CPO: variants seen among roughly 807,000 people sequenced by gnomAD.
CPO encodes the protein carboxypeptidase O.
A neutral mutation model predicts 41.2 loss-of-function variants in CPO; 43 were observed. The ratio of observed to expected loss-of-function variants is 1.04; its 90% CI spans 0.82 to 1.35. The LOEUF (loss-of-function observed/expected upper bound fraction) is 1.35. CPO is among the 40% of genes most tolerant of loss of function. CPO has a pLI of 0.00. For missense variants in CPO, 408 were observed against 451.7 expected (o/e 0.90, Z 0.88); for synonymous variants, 178 against 162.7 (o/e 1.09, Z -0.72).
chr2:206,944,236 T>C (rs772090226), intron 1 of CPO, among the ~76,000 whole-genome samples: 7 of 152,010 alleles, frequency 4.6e-5, no homozygotes, highest in Non-Finnish European at 7.4e-5. Flanking sequence ...AATATACATA[T>C]TTGCTGATTA....
intron 6 of CPO, among the ~76,000 whole-genome samples, chr2:206,961,293 C>G (rs1574354951): frequency 6.6e-6 from 1 of 152,292 alleles, no homozygotes; most frequent in Non-Finnish European, 1.5e-5. Flanking sequence ...AGGGGGCAGG[C>G]AGTAAACAAA....
At chr2:206,947,939 G>A (rs1055841185) in intron 1 of CPO, among the ~76,000 whole-genome samples, 1 of 152,204 alleles carries the variant, frequency 6.6e-6, no homozygotes, top group Non-Finnish European at 1.5e-5. Context: ...ATGCTGACAA[G>A]GATGTGGAGC....
At chr2:206,959,096 G>C (rs367722767) in intron 4 of CPO, among the ~76,000 whole-genome samples, 3 of 152,258 alleles carry the variant, frequency 2.0e-5, no homozygotes, top group African/African-American at 7.2e-5. Context: ...TCATGGGTCT[G>C]TAGTGTGGAT....
At chr2:206,943,702 AGATAG>A (rs1482763957) in intron 1 of CPO, among the ~76,000 whole-genome samples, 1,836 of 141,708 alleles carry the variant, frequency 0.013, 21 homozygotes, top group South Asian at 0.016. Flanking sequence ...ATAGATAGAT[AGATAG>A]ATAGATAGAT....
intron 2 of CPO, among the ~76,000 whole-genome samples, chr2:206,953,839 T>G (rs1412780259): frequency 6.6e-6 from 1 of 152,208 alleles, no homozygotes; most frequent in Non-Finnish European, 1.5e-5. Flanking sequence ...TCATCTGAAA[T>G]CTAGGTGGAG....
rs370417030 is a variant in CPO, at chr2:206,939,624, T to C, written c.25T>C (p.Tyr9His). The change falls in exon 1 of 9, where the codon TAT becomes CAT. Residue 9 changes from tyrosine (Y) to histidine (H), a missense_variant. By Grantham distance (83) the Tyr-to-His change is moderately conservative (BLOSUM62 2). Transcript: ENST00000272852. ...AATGAAGCCTCTGCTTGAAACCCTT[T>C]ATCTTTTGGGGATGCTGGTTCCTGG... MKPLLETL[Y>H]LLGMLVPGGL... 2.2e-5 allele frequency: 36 copies of C among 1,611,280 alleles called. No individual in the cohort carries two copies. Among genetic ancestry groups the C allele is most frequent in the Non-Finnish European group, 3.1e-5 (36 of 1,177,948 alleles).
intron 1 of CPO, 135 bp from the exon 2 acceptor site, chr2:206,949,482 C>T: frequency 1.6e-6 from 1 of 612,992 alleles, no homozygotes; most frequent in South Asian, 2.1e-5. Flanking sequence ...AGTCACAGAG[C>T]CAAAGACTCC....
At chr2:206,953,078 T>C (rs1317261429) in intron 2 of CPO, among the ~76,000 whole-genome samples, 1 of 152,152 alleles carries the variant, frequency 6.6e-6, no homozygotes, top group Non-Finnish European at 1.5e-5. Flanking sequence ...CTATAGAAAC[T>C]ACAATTCATG....
chr2:206,969,403 G>A lies in CPO; in HGVS notation c.1092G>A (p.Leu364=). 6.2e-7 allele frequency: 1 copy of A among 1,614,058 alleles called. No homozygotes were observed. The highest frequency in any genetic ancestry group is 8.5e-7 in the Non-Finnish European group (1 of 1,179,972). Residue 364 remains leucine (L), a synonymous_variant, in exon 9 of 9, where the codon CTG becomes CTA. Transcript: ENST00000272852. ...AGRVTSATML[L]GLLVSCMSLL ...GGGTGACATCTGCCACTATGCTGCT[G>A]GGCCTGCTGGTGTCCTGCATGTCTC...
chr2:206,966,231 C>T (rs938231761), intron 7 of CPO, among the ~76,000 whole-genome samples: 13 of 135,516 alleles, frequency 9.6e-5, no homozygotes, highest in African/African-American at 3.3e-4. Flanking sequence ...CTAGGGCAAG[C>T]TGCAGGAAAG....
chr2:206,942,473 T>C (rs1309407212), intron 1 of CPO, among the ~76,000 whole-genome samples: 1 of 152,172 alleles, frequency 6.6e-6, no homozygotes, highest in Non-Finnish European at 1.5e-5. Flanking sequence ...GAAATATTCA[T>C]GTAACTATTT....
chr2:206,968,330 C>A lies in CPO; in HGVS notation c.845C>A (p.Ser282Ter), dbSNP rs771123911. The A allele has an allele frequency of 6.9e-6, 11 of 1,605,142 alleles. No homozygotes were observed. The highest frequency in any genetic ancestry group is 9.4e-6 in the Non-Finnish European group (11 of 1,172,150). The change falls in exon 8 of 9, where the codon TCG becomes TAG. Residue 282 changes from serine to a stop codon, truncating the protein, a stop_gained. Transcript: ENST00000272852. LOFTEE classifies it low-confidence loss of function (END_TRUNC). ...AKYGTNYRVG[S>*]SADILYASSG... ...TATGGAACCAATTATAGAGTTGGAT[C>A]GAGTGCAGATATTTTATGTAAGTAT...
chr2:206,957,426 C>T (rs1693390873), intron 3 of CPO, among the ~76,000 whole-genome samples: 1 of 151,380 alleles, frequency 6.6e-6, no homozygotes, highest in Non-Finnish European at 1.5e-5. Context: ...TAGGAATTGT[C>T]CTGACAATTT....
At chr2:206,955,050 C>T (rs969215463) in intron 2 of CPO, among the ~76,000 whole-genome samples, 5 of 152,114 alleles carry the variant, frequency 3.3e-5, no homozygotes, top group Non-Finnish European at 5.9e-5. Context: ...ACATGGACAT[C>T]AGCAAAAGAT....
At chr2:206,943,698 AG>A (rs1559068278) in intron 1 of CPO, among the ~76,000 whole-genome samples, 11 of 127,356 alleles carry the variant, frequency 8.6e-5, no homozygotes, top group Non-Finnish European at 1.2e-4. Context: ...ATAGATAGAT[AG>A]ATAGATAGAT....
chr2:206,961,182 A>G (rs1377435834), intron 6 of CPO, among the ~76,000 whole-genome samples: 1 of 152,224 alleles, frequency 6.6e-6, no homozygotes, highest in Non-Finnish European at 1.5e-5. Flanking sequence ...GACCTAGACC[A>G]GTGTGAATAT....
intron 6 of CPO, among the ~76,000 whole-genome samples, chr2:206,961,252 A>T (rs1693473791): frequency 6.6e-6 from 1 of 152,196 alleles, no homozygotes; most frequent in Non-Finnish European, 1.5e-5. Context: ...AAGAAAAATC[A>T]GAGACTTATC....
In CPO at chr2:206,959,666, C is replaced by T; in HGVS notation, c.408C>T (p.Arg136=). 2 of 1,561,292 alleles carry T rather than the reference C, an allele frequency of 1.3e-6. No homozygotes were observed. Among genetic ancestry groups the T allele is most frequent in the Non-Finnish European group, 1.8e-6 (2 of 1,131,942 alleles). ...ACCATAAAGACAACTCAAGTATACG[C>T]AAGCTCCTTAGGAACCTGGACTTCT... ...LQNHKDNSSI[R]KLLRNLDFYV... Residue 136 remains arginine (R), a synonymous_variant, in exon 5 of 9, where the codon CGC becomes CGT. Coordinates refer to ENST00000272852, the MANE Select transcript of CPO (RefSeq NM_173077.3).
chr2:206,945,678 G>T (rs149537787), intron 1 of CPO, among the ~76,000 whole-genome samples: 2 of 152,236 alleles, frequency 1.3e-5, no homozygotes, highest in East Asian at 1.9e-4. Context: ...CACAATATCT[G>T]GCAAAGAGGA....
Sources: gnomAD v4.1 joint callset for allele counts (sites outside exome capture counted in the v4.1 genomes callset) on GRCh38, gnomAD v4.1.1 for gene constraint, MANE v1.5 for transcripts, NCBI Gene and HGNC (gene_info 2026-07-23, HGNC 2026-07-21) for gene names.